The following RGS22 variants were observed in gnomAD, a reference collection of about 807,000 sequenced individuals.
RGS22 encodes the protein regulator of G protein signaling 22, also known as regulator of G-protein signaling 22.
A neutral mutation model predicts 172.9 loss-of-function variants in RGS22; 148 were observed. The observed-to-expected ratio is 0.86, with a 90% CI of 0.75 to 0.98. The LOEUF is 0.98. Among genes scored for constraint, RGS22 ranks in the 50% least tolerant of loss-of-function variants. The pLI is 0.00. For synonymous variants in RGS22, 458 were observed against 480.2 expected (o/e 0.95, Z 0.60); for missense variants, 1,347 against 1,440.8 (o/e 0.93, Z 1.05).
intron 14 of RGS22, among the ~76,000 whole-genome samples, chr8:100,009,863 C>T (rs1816179695): frequency 6.6e-6 from 1 of 152,164 alleles, no homozygotes; most frequent in Non-Finnish European, 1.5e-5. Context: ...TGGCTAGGTG[C>T]TATGTATGTA....
At position 100,071,670 on chromosome 8, in the gene RGS22, T is replaced by C. The variant is rs539263755; in HGVS notation, c.426-133A>G. ...TGATGATGATTTTCTTTGGCTCTGC[T>C]AAAATTAATAGCTTATTCATAAAAC... On this transcript the variant is annotated intron_variant, in intron 5 of 27. Transcript: ENST00000360863. 3 of 547,016 alleles carry C rather than the reference T, an allele frequency of 5.5e-6. No homozygotes were observed. In the South Asian group the frequency reaches 1.1e-4, roughly 20 times the overall value. 33.9% of individuals were successfully genotyped at this position (547,016 alleles called of 1,614,324 possible). A position where few individuals can be genotyped will look rare whatever the true frequency, so the allele number is the denominator to read the frequency against.
intron 17 of RGS22, 124 bp from the exon 18 acceptor site, chr8:100,002,488 T>C (rs1199848184): frequency 3.6e-6 from 3 of 830,648 alleles, no homozygotes; most frequent in Non-Finnish European, 5.4e-6. Flanking sequence ...CATTAGATCA[T>C]GGAAATAACG....
intron 14 of RGS22, among the ~76,000 whole-genome samples, chr8:100,036,752 C>G (rs1251184386): frequency 6.6e-6 from 1 of 151,542 alleles, no homozygotes; most frequent in East Asian, 1.9e-4. Flanking sequence ...GTGCACATCA[C>G]TATGCCTGGC....
chr8:100,017,733 T>C (rs1817161202), intron 14 of RGS22, among the ~76,000 whole-genome samples: 1 of 152,156 alleles, frequency 6.6e-6, no homozygotes, highest in East Asian at 1.9e-4. Flanking sequence ...GACTTTAAGA[T>C]GAAACGTAAA....
At chr8:100,064,626 C>T (rs1193982978) in intron 7 of RGS22, among the ~76,000 whole-genome samples, 1 of 152,050 alleles carries the variant, frequency 6.6e-6, no homozygotes. Flanking sequence ...CCCTAACACA[C>T]AGAAGATATA....
chr8:100,040,346 C>T lies in RGS22; in HGVS notation c.1939-259G>A, dbSNP rs190593300. Among the ~76,000 whole-genome samples, 16 of 152,286 alleles carry T rather than the reference C, an allele frequency of 1.1e-4. No homozygotes were observed. The East Asian group carries it at 2.7e-3, about 26-fold the overall frequency. On this transcript the variant is annotated intron_variant, in intron 12 of 27. Coordinates refer to ENST00000360863, the MANE Select transcript of RGS22 (RefSeq NM_015668.5). ...TTTAAACATAATGTTGAAGCAACTT[C>T]CCAGCCTCAATTATTTTCATGTTTC...
At chr8:99,967,433 G>A (rs576643860) in intron 23 of RGS22, among the ~76,000 whole-genome samples, 4 of 151,908 alleles carry the variant, frequency 2.6e-5, no homozygotes, top group Non-Finnish European at 2.9e-5. Context: ...AAGTGGTCTC[G>A]CTCAGTGGGT....
intron 3 of RGS22, among the ~76,000 whole-genome samples, chr8:100,088,379 T>A (rs774754066): frequency 6.6e-6 from 1 of 152,122 alleles, no homozygotes; most frequent in East Asian, 1.9e-4. Context: ...TAAATCTACG[T>A]GGGCTCATCT....
At chr8:99,996,195 G>A (rs1229002369) in intron 20 of RGS22, among the ~76,000 whole-genome samples, 1 of 152,088 alleles carries the variant, frequency 6.6e-6, no homozygotes, top group Admixed American at 6.6e-5. Context: ...AACCAACATG[G>A]CACATGTATA....
At chr8:100,028,368 G>A (rs1243413634) in intron 14 of RGS22, among the ~76,000 whole-genome samples, 1 of 150,028 alleles carries the variant, frequency 6.7e-6, no homozygotes, top group Non-Finnish European at 1.5e-5. Flanking sequence ...GGAAATCTCT[G>A]CAAGAAGCAG....
chr8:99,965,422 G>A lies in RGS22; in HGVS notation c.3528C>T (p.Ile1176=). 1 of 1,604,570 alleles carries A rather than the reference G, an allele frequency of 6.2e-7. No individual in the cohort carries two copies. The highest frequency in any genetic ancestry group is 8.5e-7 in the Non-Finnish European group (1 of 1,172,284). ...LEDEKSGKDG[I]KQYANTSVPA... ...GCACTGAAGTATTTGCATATTGTTT[G>A]ATTCCATCCTGTAATTATATTAAAT... is the stretch of plus-strand genomic sequence containing the variant. Residue 1176 remains isoleucine (I), a synonymous_variant, in exon 24 of 28, where the codon ATC becomes ATT. Transcript: ENST00000360863.
chr8:100,068,582 A>G (rs769422729), intron 6 of RGS22, among the ~76,000 whole-genome samples: 13 of 152,186 alleles, frequency 8.5e-5, no homozygotes, highest in Non-Finnish European at 1.6e-4. Context: ...ATTGACCTCA[A>G]CTATGAGTAC....
intron 22 of RGS22, 44 bp downstream of exon 22, chr8:99,981,893 A>C: frequency 6.6e-7 from 1 of 1,520,308 alleles, no homozygotes; most frequent in Non-Finnish European, 8.9e-7. Context: ...AAGGATTGTC[A>C]ATCTATTTTA....
intron 2 of RGS22, among the ~76,000 whole-genome samples, chr8:100,102,390 G>A (rs1461389633): frequency 6.6e-6 from 1 of 152,216 alleles, no homozygotes; most frequent in African/African-American, 2.4e-5. Context: ...AGAGAATGGA[G>A]TTTGGGGAAC....
At chr8:99,984,858 GT>G (rs987369843) in intron 21 of RGS22, among the ~76,000 whole-genome samples, 3 of 151,426 alleles carry the variant, frequency 2.0e-5, no homozygotes, top group African/African-American at 7.3e-5. Context: ...TTAGTAGCTA[GT>G]TTTTAAAAAA....
chr8:100,012,553 G>A (rs920386023), intron 14 of RGS22, among the ~76,000 whole-genome samples: 1 of 151,952 alleles, frequency 6.6e-6, no homozygotes, highest in East Asian at 1.9e-4. Context: ...CCGTACTCCA[G>A]ACTGGGTGAC....
At chr8:99,984,345 T>A (rs530283135) in intron 21 of RGS22, among the ~76,000 whole-genome samples, 1 of 152,184 alleles carries the variant, frequency 6.6e-6, no homozygotes, top group Admixed American at 6.5e-5. Flanking sequence ...CTCCTAACTA[T>A]GGAATATAAG....
chr8:100,090,365 T>C (rs997093694), intron 3 of RGS22, among the ~76,000 whole-genome samples: 3 of 151,964 alleles, frequency 2.0e-5, no homozygotes, highest in East Asian at 1.9e-4. Context: ...TCAAGATGGA[T>C]TGGTGGGCTA....
At chr8:99,997,929 GGATA>G (rs750176217) in intron 19 of RGS22, among the ~76,000 whole-genome samples, 1 of 152,154 alleles carries the variant, frequency 6.6e-6, no homozygotes, top group Non-Finnish European at 1.5e-5. Context: ...ATGGATGGAT[GGATA>G]GATATGCATA....
Sources: allele counts gnomAD v4.1 joint callset (sites outside exome capture counted in the v4.1 genomes callset), GRCh38; gene constraint gnomAD v4.1.1; transcripts MANE v1.5; gene names NCBI Gene and HGNC (gene_info 2026-07-23, HGNC 2026-07-21).